LINC00237: variants seen among roughly 807,000 people sequenced by gnomAD.
LINC00237 encodes the protein long independently transcribed non-coding RNA 237.
chr20:21,096,369 A>G (rs1236851842), intron 1 of LINC00237, among the ~76,000 whole-genome samples: 1 of 152,166 alleles, frequency 6.6e-6, no homozygotes, highest in Non-Finnish European at 1.5e-5. Flanking sequence ...CCAGCCAGCA[A>G]GAAGGAACAG....
At chr20:21,089,270 A>G (rs572748441) in intron 2 of LINC00237, among the ~76,000 whole-genome samples, 67 of 151,838 alleles carry the variant, frequency 4.4e-4, no homozygotes, top group South Asian at 1.0e-3. Flanking sequence ...CCTTTGCAAG[A>G]TAGGTTTGCT....
In LINC00237 at chr20:21,090,000, T is replaced by C. The variant is rs752715839; in HGVS notation, n.473-1970A>G. 4 of 152,314 alleles carry C rather than the reference T, an allele frequency of 2.6e-5. No individual in the cohort carries two copies. The South Asian group carries it at 8.3e-4, about 32-fold the overall frequency. 9.4% of individuals were successfully genotyped at this position (152,314 alleles called of 1,614,324 possible). Reference sequence around the variant, plus strand: ...TCAGTCAAAGTGCAGCTTCAGTGTGTTTTTATGTAGACGTCTGAATGTCTT... The same window carrying C: ...TCAGTCAAAGTGCAGCTTCAGTGTGCTTTTATGTAGACGTCTGAATGTCTT... On this transcript the variant is annotated intron_variant and non_coding_transcript_variant, in intron 2 of 3. Coordinates refer to ENST00000691244, the Ensembl canonical transcript of LINC00237.
chr20:21,101,108 C>G lies in LINC00237; in HGVS notation n.88+5163G>C, dbSNP rs374459128. Among the ~76,000 whole-genome samples the G allele has an allele frequency of 1.1e-4, 16 of 152,266 alleles. No homozygotes were observed. Among genetic ancestry groups the G allele is most frequent in the East Asian group, 5.8e-4 (3 of 5,174 alleles). The stretch of plus-strand genomic sequence containing the variant: ...GCATGTGAAAAGGCGAGCAAAACTC[C>G]GCGGTTCAACAGCTAAAGAGCAATT... On this transcript the variant is annotated intron_variant and non_coding_transcript_variant, in intron 1 of 3. Coordinates refer to ENST00000691244, the Ensembl canonical transcript of LINC00237. This position sits in a 1 kb window ranked among gnomAD's most constrained non-coding sequence, Gnocchi z 4.3.
intron 1 of LINC00237, chr20:21,093,917 A>G (rs1376994078): frequency 1.3e-5 from 2 of 152,234 alleles, no homozygotes; most frequent in African/African-American, 4.8e-5. Flanking sequence ...AGAGATTCAA[A>G]TGTATACCCT....
At chr20:21,096,999 C>A (rs778921256) in intron 1 of LINC00237, among the ~76,000 whole-genome samples, 1 of 152,198 alleles carries the variant, frequency 6.6e-6, no homozygotes, top group African/African-American at 2.4e-5. Context: ...ATGGGAAGGG[C>A]ACCCCTATGT....
At chr20:21,094,997 C>T (rs1031653948) in intron 1 of LINC00237, among the ~76,000 whole-genome samples, 15 of 152,110 alleles carry the variant, frequency 9.9e-5, no homozygotes, top group African/African-American at 3.4e-4. Context: ...TTGCAGTGAG[C>T]AGAGATCACG....
At chr20:21,091,727 G>A (rs941991723) in intron 2 of LINC00237, among the ~76,000 whole-genome samples, 4 of 152,046 alleles carry the variant, frequency 2.6e-5, no homozygotes, top group Non-Finnish European at 4.4e-5. Flanking sequence ...TGAGTTTTCC[G>A]CAGCAGGATG....
intron 1 of LINC00237, among the ~76,000 whole-genome samples, chr20:21,099,615 C>T (rs1286074054): frequency 6.6e-6 from 1 of 152,200 alleles, no homozygotes; most frequent in Non-Finnish European, 1.5e-5. Flanking sequence ...TCTTGGGGTA[C>T]CTGACAGACG....
chr20:21,099,585 CTCCCCAACATATT>C (rs935588569), intron 1 of LINC00237, among the ~76,000 whole-genome samples: 2 of 152,222 alleles, frequency 1.3e-5, no homozygotes, highest in Non-Finnish European at 2.9e-5. Context: ...CCCAGCCCCA[CTCCCCAACATATT>C]TCTTCATCTT....
chr20:21,099,296 G>A (rs1430398724), intron 1 of LINC00237, among the ~76,000 whole-genome samples: 2 of 152,068 alleles, frequency 1.3e-5, no homozygotes, highest in Non-Finnish European at 2.9e-5. Context: ...TCTGGTAAAC[G>A]CAATTTATTT....
chr20:21,102,357 C>T (rs1485356785), intron 1 of LINC00237, among the ~76,000 whole-genome samples: 3 of 152,218 alleles, frequency 2.0e-5, no homozygotes, highest in Non-Finnish European at 4.4e-5. Flanking sequence ...CTGGAACCTT[C>T]CCTCTAGCCG....
intron 3 of LINC00237, among the ~76,000 whole-genome samples, chr20:21,086,471 A>G (rs2030694287): frequency 1.3e-5 from 2 of 149,938 alleles, no homozygotes; most frequent in Non-Finnish European, 1.5e-5. Flanking sequence ...ATATCTATAT[A>G]CGTATAGATA....
At position 21,105,963 on chromosome 20, in the gene LINC00237, C is replaced by CT. The variant is rs1242790238; in HGVS notation, n.88+307_88+308insA. 2.6e-5 allele frequency among the ~76,000 whole-genome samples: 4 copies of CT among 152,142 alleles called. No individual in the cohort carries two copies. In the East Asian group the frequency reaches 7.7e-4, roughly 29 times the overall value. On this transcript the variant is annotated intron_variant and non_coding_transcript_variant, in intron 1 of 3. Transcript: ENST00000691244. ...AACCCCACAAAGTCAAGGCGCGGGG[C>CT]GGGGTCGGGGGGATGGGATCCAGAG...
At position 21,088,244 on chromosome 20, in the gene LINC00237, C is replaced by T. The variant is rs527984487; in HGVS notation, n.473-214G>A. The stretch of plus-strand genomic sequence containing the variant: ...GTGGCGTAGAAAGATAAAAAGAACC[C>T]GGGACATTGATAGCATCATGGGGCC... On this transcript the variant is annotated intron_variant and non_coding_transcript_variant, in intron 2 of 3. Coordinates refer to ENST00000691244, the Ensembl canonical transcript of LINC00237. 1.3e-3 allele frequency among the ~76,000 whole-genome samples: 199 copies of T among 152,164 alleles called. 1 individual carries two copies. Among genetic ancestry groups the T allele is most frequent in the Non-Finnish European group, 2.3e-3 (156 of 68,022 alleles).
intron 1 of LINC00237, among the ~76,000 whole-genome samples, chr20:21,102,166 G>A (rs1427738004): frequency 6.6e-6 from 1 of 152,254 alleles, no homozygotes; most frequent in African/African-American, 2.4e-5. Flanking sequence ...AATCGCCGAG[G>A]AGCGGCGCGG....
At chr20:21,091,046 CGTGTGTGTGTGTGCGT>C (rs2030785500) in intron 2 of LINC00237, among the ~76,000 whole-genome samples, 2 of 150,152 alleles carry the variant, frequency 1.3e-5, no homozygotes, top group African/African-American at 5.0e-5. Context: ...TGTAAATGTG[CGTGTGTGTGTGTGCGT>C]GTGTGTGTGT....
intron 3 of LINC00237, among the ~76,000 whole-genome samples, chr20:21,086,852 A>AT (rs2030716179): frequency 1.5e-5 from 2 of 130,126 alleles, no homozygotes; most frequent in Admixed American, 1.6e-4. Flanking sequence ...TATAGTATAC[A>AT]CTATATATGT....
In LINC00237 at chr20:21,101,633, CCCTT is replaced by C. The variant is rs2030932917; in HGVS notation, n.88+4634_88+4637del. On this transcript the variant is annotated intron_variant and non_coding_transcript_variant, in intron 1 of 3. Transcript: ENST00000691244. This position sits in a 1 kb window ranked among gnomAD's most constrained non-coding sequence, Gnocchi z 4.3. The stretch of plus-strand genomic sequence containing the variant: ...TAGGCCGTTCCACCGGGTAGCTCCG[CCCTT>C]CCTTTTGCTCAGGCAGCTAACTTTG... 1 of 152,292 alleles carries C rather than the reference CCCTT, an allele frequency of 6.6e-6. No individual in the cohort carries two copies. The highest frequency in any genetic ancestry group is 6.5e-5 in the Admixed American group (1 of 15,290). The allele number at this position is 152,292 out of a possible 1,614,324, so 9.4% of individuals were successfully genotyped here. A position where few individuals can be genotyped will look rare whatever the true frequency, so the allele number is the denominator to read the frequency against.
intron 1 of LINC00237, among the ~76,000 whole-genome samples, chr20:21,098,684 C>G (rs2030890142): frequency 6.6e-6 from 1 of 152,122 alleles, no homozygotes; most frequent in Non-Finnish European, 1.5e-5. Flanking sequence ...AGATTGTCAG[C>G]AGTATAGGAA....
Sources: allele counts gnomAD v4.1 joint callset (sites outside exome capture counted in the v4.1 genomes callset), GRCh38; gene constraint gnomAD v4.1.1; non-coding constraint Gnocchi (gnomAD v3.1); transcripts MANE v1.5; gene names NCBI Gene and HGNC (gene_info 2026-07-23, HGNC 2026-07-21).